FMN1: variants seen among roughly 807,000 people sequenced by gnomAD.
The protein encoded by FMN1 is formin-1.
Under a neutral mutation model 132.4 loss-of-function variants are expected in FMN1, and 110 were observed. That is an observed-to-expected ratio of 0.83 (90% CI 0.71 to 0.97). The LOEUF (loss-of-function observed/expected upper bound fraction) is 0.97. Among genes scored for constraint, FMN1 ranks in the 50% least tolerant of loss-of-function variants. FMN1 has a pLI of 0.00. For synonymous variants in FMN1, 722 were observed against 651.7 expected (o/e 1.11, Z -1.64); for missense variants, 1,792 against 1,705.3 (o/e 1.05, Z -0.90).
intron 3 of FMN1, among the ~76,000 whole-genome samples, chr15:33,155,974 C>A (rs1964654606): frequency 6.6e-6 from 1 of 152,196 alleles, no homozygotes; most frequent in African/African-American, 2.4e-5. Flanking sequence ...ACAAGCACCG[C>A]CCACACCCTG....
At chr15:32,859,204 T>C (rs556026787) in intron 16 of FMN1, among the ~76,000 whole-genome samples, 1 of 152,312 alleles carries the variant, frequency 6.6e-6, no homozygotes, top group African/African-American at 2.4e-5. Flanking sequence ...CTAGTCTCTA[T>C]AAATTGTAAG....
At chr15:33,126,106 G>A (rs751248398) in intron 4 of FMN1, among the ~76,000 whole-genome samples, 2 of 152,098 alleles carry the variant, frequency 1.3e-5, no homozygotes, top group Non-Finnish European at 2.9e-5. Flanking sequence ...TAAATGTTAC[G>A]CTTTTGCAGC....
chr15:33,118,131 T>C (rs1421113406), intron 4 of FMN1, among the ~76,000 whole-genome samples: 2 of 152,220 alleles, frequency 1.3e-5, no homozygotes, highest in Non-Finnish European at 2.9e-5. Flanking sequence ...CTCTATGGAA[T>C]GCCAATACAC....
At chr15:32,826,074 T>C (rs16959198) in intron 17 of FMN1, among the ~76,000 whole-genome samples, 31,216 of 152,188 alleles carry the variant, frequency 0.21, 3,634 homozygotes, top group East Asian at 0.53. Flanking sequence ...ATGGAAATAG[T>C]AGTTAGAAAT....
intron 19 of FMN1, among the ~76,000 whole-genome samples, chr15:32,797,881 A>C (rs2057341613): frequency 6.6e-6 from 1 of 152,176 alleles, no homozygotes. Flanking sequence ...TTCTTTGATT[A>C]CAAAGTGAAG....
At chr15:33,098,248 G>GT (rs767386794) in intron 4 of FMN1, among the ~76,000 whole-genome samples, 13 of 152,184 alleles carry the variant, frequency 8.5e-5, no homozygotes, top group African/African-American at 1.2e-4. Context: ...TTCATGCTGA[G>GT]TGACTGTCCT....
intron 15 of FMN1, among the ~76,000 whole-genome samples, chr15:32,896,009 TTTTA>T (rs1042256484): frequency 6.6e-6 from 1 of 152,136 alleles, no homozygotes; most frequent in Non-Finnish European, 1.5e-5. Context: ...GTCTTATTGA[TTTTA>T]TTTTTCATTT....
chr15:32,773,402 G>C lies in FMN1; in HGVS notation c.*908C>G, dbSNP rs1305609139. On this transcript the variant is annotated 3_prime_UTR_variant, in exon 21 of 21. Transcript: ENST00000616417. ...CTGCACAGTCACAGCACATAACGTAGAACTCGGCTGCGTATCAACACAACA... is the reference window on the plus strand; with the variant it reads ...CTGCACAGTCACAGCACATAACGTACAACTCGGCTGCGTATCAACACAACA... The C allele has an allele frequency of 6.6e-6, 1 of 152,172 alleles. No homozygotes were observed. Among genetic ancestry groups the C allele is most frequent in the Non-Finnish European group, 1.5e-5 (1 of 68,066 alleles). The allele number at this position is 152,172 out of a possible 1,614,324, so 9.4% of individuals were successfully genotyped here.
chr15:32,923,636 G>C (rs1226166853), intron 10 of FMN1, among the ~76,000 whole-genome samples: 1 of 152,172 alleles, frequency 6.6e-6, no homozygotes, highest in East Asian at 1.9e-4. Context: ...CTTCACAGAA[G>C]CATGTTCTTA....
intron 7 of FMN1, among the ~76,000 whole-genome samples, chr15:32,996,339 T>A (rs1255208100): frequency 6.6e-6 from 1 of 152,240 alleles, no homozygotes; most frequent in African/African-American, 2.4e-5. Context: ...TACCTAGGGT[T>A]ACATTGCATT....
At chr15:32,871,576 T>C (rs1020340039) in intron 16 of FMN1, among the ~76,000 whole-genome samples, 2 of 152,148 alleles carry the variant, frequency 1.3e-5, no homozygotes, top group African/African-American at 4.8e-5. Context: ...TCTGTGTCCA[T>C]ACAAACTTAT....
chr15:33,059,650 AATT>A (rs1248681152), intron 6 of FMN1, among the ~76,000 whole-genome samples: 2 of 152,210 alleles, frequency 1.3e-5, no homozygotes, highest in African/African-American at 2.4e-5. Flanking sequence ...TCCAACTCAT[AATT>A]ATTACACATA....
intron 7 of FMN1, among the ~76,000 whole-genome samples, chr15:32,972,883 C>CA (rs2031902635): frequency 6.6e-6 from 1 of 152,178 alleles, no homozygotes; most frequent in South Asian, 2.1e-4. Context: ...TGCCGAACCC[C>CA]AATGTGTTCC....
chr15:32,922,722 T>C (rs561135485), intron 10 of FMN1, among the ~76,000 whole-genome samples: 2 of 152,326 alleles, frequency 1.3e-5, no homozygotes, highest in East Asian at 3.9e-4. Flanking sequence ...TCATTGCCAT[T>C]TGGAAAATTG....
intron 7 of FMN1, among the ~76,000 whole-genome samples, chr15:32,986,988 T>G (rs992615098): frequency 1.3e-5 from 2 of 152,160 alleles, no homozygotes; most frequent in Non-Finnish European, 2.9e-5. Context: ...AAAATAAACA[T>G]TTAACTATCC....
At chr15:33,157,375 C>T (rs1209651370) in intron 3 of FMN1, among the ~76,000 whole-genome samples, 1 of 151,960 alleles carries the variant, frequency 6.6e-6, no homozygotes, top group East Asian at 1.9e-4. Flanking sequence ...TTTGTATATA[C>T]TGAGCACATA....
At chr15:32,965,538 G>A (rs2031129584) in intron 8 of FMN1, among the ~76,000 whole-genome samples, 1 of 151,984 alleles carries the variant, frequency 6.6e-6, no homozygotes, top group Non-Finnish European at 1.5e-5. Context: ...TTTTCTCAAT[G>A]AAAACTAAAA....
chr15:33,067,684 G>A, intron 5 of FMN1: 1 of 1,613,968 alleles, frequency 6.2e-7, no homozygotes, highest in Non-Finnish European at 8.5e-7. Flanking sequence ...GCTGAGATGT[G>A]GGATTCACGT....
At chr15:32,917,102 T>C (rs2060703015) in intron 10 of FMN1, among the ~76,000 whole-genome samples, 3 of 152,004 alleles carry the variant, frequency 2.0e-5, no homozygotes, top group Non-Finnish European at 4.4e-5. Context: ...AGGTCATCCT[T>C]GAGAGCAAAC....
Sources: allele counts gnomAD v4.1 joint callset (sites outside exome capture counted in the v4.1 genomes callset), GRCh38; gene constraint gnomAD v4.1.1; transcripts MANE v1.5; gene names NCBI Gene and HGNC (gene_info 2026-07-23, HGNC 2026-07-21).